KCNE1: variants seen among roughly 807,000 people sequenced by gnomAD.
The protein encoded by KCNE1 is potassium voltage-gated channel subfamily E regulatory subunit 1, also known as potassium voltage-gated channel subfamily E member 1.
A neutral mutation model predicts 2.9 loss-of-function variants in KCNE1; 1 was observed. The observed-to-expected ratio is 0.34, with a 90% CI of 0.12 to 1.62. The LOEUF is 1.62. KCNE1 is among the 40% of genes most tolerant of loss of function. The pLI, the probability that KCNE1 is intolerant of heterozygous loss-of-function variation, is 0.36. For missense variants in KCNE1, 45 were observed against 150.5 expected (o/e 0.30, Z 3.67); for synonymous variants, 23 against 65.4 (o/e 0.35, Z 3.13).
chr21:34,499,423 G>A (rs1568860523), intron 2 of KCNE1, among the ~76,000 whole-genome samples: 3 of 152,134 alleles, frequency 2.0e-5, no homozygotes, highest in Admixed American at 6.5e-5. Context: ...TTTGCCCTCC[G>A]GATTCTGTTC....
chr21:34,500,314 G>C (rs1260767127), intron 2 of KCNE1, among the ~76,000 whole-genome samples: 1 of 152,076 alleles, frequency 6.6e-6, no homozygotes, highest in Admixed American at 6.6e-5. Flanking sequence ...AATCCAGTAA[G>C]GGCAAAGCTT....
chr21:34,505,853 G>T (rs1345672199), intron 2 of KCNE1, among the ~76,000 whole-genome samples: 1 of 152,186 alleles, frequency 6.6e-6, no homozygotes, highest in East Asian at 1.9e-4. Flanking sequence ...GACCTGGCGT[G>T]GGCCATCTTC....
Position 34,511,173 on chromosome 21 carries a change from A to T in KCNE1, c.-234T>A. The T allele has an allele frequency of 1.0e-6, 1 of 985,614 alleles. No homozygotes were observed. Among genetic ancestry groups the T allele is most frequent in the Non-Finnish European group, 1.2e-6 (1 of 830,114 alleles). The allele number at this position is 985,614 out of a possible 1,614,324, so 61.1% of individuals were successfully genotyped here. ...CATTGGCAGCAGGCTCCTTCTCTTC[A>T]GGTGGTCTTAGGAACTTCTCAGAAC... On this transcript the variant is annotated 5_prime_UTR_variant, in exon 2 of 4. Transcript: ENST00000399286.
chr21:34,501,222 A>C (rs544538847), intron 2 of KCNE1, among the ~76,000 whole-genome samples: 7 of 152,340 alleles, frequency 4.6e-5, no homozygotes, highest in Non-Finnish European at 8.8e-5. Context: ...ACTTATGTAC[A>C]TTTTACAGCA....
intron 2 of KCNE1, among the ~76,000 whole-genome samples, chr21:34,506,167 G>A (rs952912996): frequency 1.3e-5 from 2 of 152,186 alleles, no homozygotes; most frequent in Non-Finnish European, 2.9e-5. Context: ...TGCAGGCCGG[G>A]AACTCAGGAA....
chr21:34,498,610 G>T (rs1332742130), intron 2 of KCNE1, among the ~76,000 whole-genome samples: 2 of 152,262 alleles, frequency 1.3e-5, no homozygotes, highest in African/African-American at 2.4e-5. Context: ...GGTGGCCAGG[G>T]AATGAAGTAG....
chr21:34,504,718 G>A (rs959471179), intron 2 of KCNE1, among the ~76,000 whole-genome samples: 5 of 152,342 alleles, frequency 3.3e-5, no homozygotes, highest in East Asian at 1.9e-4. Flanking sequence ...TATTAGTCAT[G>A]AAAAGGGATG....
chr21:34,511,813 G>C (rs965725626), intron 1 of KCNE1, among the ~76,000 whole-genome samples: 7 of 152,214 alleles, frequency 4.6e-5, no homozygotes, highest in Admixed American at 1.3e-4. Flanking sequence ...CTCATTTTAG[G>C]AGGTGGGCAA....
In KCNE1 at chr21:34,511,695, G is replaced by A. The variant is rs535977835; in HGVS notation, c.-377+332C>T. ...TTATAGGAGCCTGCATGTGAGGCCC[G>A]GACGTCCTACAGAGCAGCAGTTAGA... On this transcript the variant is annotated intron_variant, in intron 1 of 3. Coordinates refer to ENST00000399286, the MANE Select transcript of KCNE1 (RefSeq NM_000219.6). Among the ~76,000 whole-genome samples, 51 of 152,320 alleles carry A rather than the reference G, an allele frequency of 3.3e-4. 1 individual carries two copies. The highest frequency in any genetic ancestry group is 1.0e-3 in the African/African-American group (42 of 41,564).
intron 2 of KCNE1, chr21:34,509,670 T>C (rs558205717): frequency 6.6e-6 from 1 of 152,200 alleles, no homozygotes; most frequent in Non-Finnish European, 1.5e-5. Context: ...TTAGCCAGGA[T>C]GGTCTCGATC....
intron 2 of KCNE1, among the ~76,000 whole-genome samples, chr21:34,497,188 T>C (rs1245844899): frequency 1.3e-5 from 2 of 152,238 alleles, no homozygotes; most frequent in East Asian, 3.8e-4. Context: ...TGTGAGGTAC[T>C]GTTCTATTCA....
At chr21:34,509,856 C>A (rs1445664049) in intron 2 of KCNE1, 1 of 152,106 alleles carries the variant, frequency 6.6e-6, no homozygotes, top group Non-Finnish European at 1.5e-5. Context: ...TATTTCGTCA[C>A]CCAGGTACTA....
intron 2 of KCNE1, among the ~76,000 whole-genome samples, chr21:34,496,681 T>C (rs1982830554): frequency 6.6e-6 from 1 of 152,200 alleles, no homozygotes; most frequent in Non-Finnish European, 1.5e-5. Flanking sequence ...AGTCCATTTG[T>C]TCTAGGGTAT....
At chr21:34,509,036 C>T (rs1601108091) in intron 2 of KCNE1, among the ~76,000 whole-genome samples, 1 of 152,214 alleles carries the variant, frequency 6.6e-6, no homozygotes, top group East Asian at 1.9e-4. Context: ...AAATTCATCA[C>T]CTTGGTTTCT....
chr21:34,500,221 TACACACA>T (rs1983082122), intron 2 of KCNE1, among the ~76,000 whole-genome samples: 1 of 152,220 alleles, frequency 6.6e-6, no homozygotes, highest in Non-Finnish European at 1.5e-5. Context: ...TTAATATATA[TACACACA>T]GTACTTTCTT....
rs754552515 is a variant in KCNE1 at position 34,497,228 on chromosome 21, CTGT to C, written c.-162+13870_-162+13872del. Among the ~76,000 whole-genome samples the C allele has an allele frequency of 1.6e-4, 25 of 152,078 alleles. 1 individual carries two copies. Among genetic ancestry groups the C allele is most frequent in the Admixed American group, 9.2e-4 (14 of 15,274 alleles). ...GCTAGTTGTTGCCTGAATAACTTTT[CTGT>C]TGTTGTTGTTGTTTGTTTTTTCTAT... is the stretch of plus-strand genomic sequence containing the variant. On this transcript the variant is annotated intron_variant, in intron 2 of 3. Transcript: ENST00000399286.
rs77084628 is a variant in KCNE1 at position 34,505,757 on chromosome 21, C to T, written c.-162+5344G>A. On this transcript the variant is annotated intron_variant, in intron 2 of 3. Transcript: ENST00000399286. ...CGCAGATTTCTACACTTGATCCCCT[C>T]GCTTGAAATAAAAGGAGATAAAGTG... is the stretch of plus-strand genomic sequence containing the variant. Among the ~76,000 whole-genome samples, 596 of 152,340 alleles carry T rather than the reference C, an allele frequency of 3.9e-3. 2 individuals are homozygous for T. Among genetic ancestry groups the T allele is most frequent in the African/African-American group, 0.014 (572 of 41,578 alleles).
At chr21:34,495,616 T>G (rs1242828973) in intron 2 of KCNE1, among the ~76,000 whole-genome samples, 1 of 139,524 alleles carries the variant, frequency 7.2e-6, no homozygotes, top group Non-Finnish European at 1.5e-5. Flanking sequence ...GAGGGTTGTA[T>G]ATTTCCAGGA....
At chr21:34,503,548 G>T (rs889926545) in intron 2 of KCNE1, among the ~76,000 whole-genome samples, 2 of 152,206 alleles carry the variant, frequency 1.3e-5, no homozygotes, top group East Asian at 3.9e-4. Context: ...AAGTGGGGCT[G>T]TAAGTCCTAA....
Sources: allele counts gnomAD v4.1 joint callset (sites outside exome capture counted in the v4.1 genomes callset), GRCh38; gene constraint gnomAD v4.1.1; transcripts MANE v1.5; gene names NCBI Gene and HGNC (gene_info 2026-07-23, HGNC 2026-07-21).